Variants in ANGPTL5 observed in about 807,000 individuals in gnomAD.
ANGPTL5 encodes the protein angiopoietin-related protein 5.
In ANGPTL5, 34 loss-of-function variants were observed where a neutral mutation model predicts 39.4. The ratio of observed to expected loss-of-function variants is 0.86; its 90% CI spans 0.66 to 1.15. The LOEUF is 1.15. Ranked by LOEUF, ANGPTL5 falls within the 50% of genes most tolerant of loss-of-function variation. The pLI is 0.00. For missense variants in ANGPTL5, 467 were observed against 457.5 expected, an observed-to-expected ratio of 1.02 and a Z score of -0.19; for synonymous variants, 146 against 152.1, an observed-to-expected ratio of 0.96 and a Z score of 0.29.
At position 101,907,840 on chromosome 11, in the gene ANGPTL5, G is replaced by T; in HGVS notation, c.70C>A (p.Gln24Lys). 1 of 1,607,680 alleles carries T rather than the reference G, an allele frequency of 6.2e-7. No individual in the cohort carries two copies. The change falls in exon 2 of 9, where the codon CAA becomes AAA. Residue 24 changes from glutamine to lysine, a missense_variant. Transcript: ENST00000334289. ...GTAGAATGATGTACACAGTTACCTT[G>T]TACAGCTTCTCCACAAATAAAAATA... is the stretch of plus-strand genomic sequence containing the variant. ...VCIFICGEAV[Q>K]GNCVHHSTDS...
intron 7 of ANGPTL5, among the ~76,000 whole-genome samples, chr11:101,896,386 C>T (rs747966674): frequency 5.9e-5 from 9 of 151,706 alleles, no homozygotes; most frequent in Non-Finnish European, 8.8e-5. Context: ...TACTTAAGTT[C>T]TGGGACACAT....
At chr11:101,901,815 C>T (rs1033417967) in intron 6 of ANGPTL5, among the ~76,000 whole-genome samples, 2 of 151,570 alleles carry the variant, frequency 1.3e-5, no homozygotes, top group Admixed American at 6.6e-5. Context: ...GAAGAGAAAC[C>T]GGTAGTATTT....
chr11:101,904,056 A>G (rs867365067), intron 5 of ANGPTL5, among the ~76,000 whole-genome samples: 2 of 152,192 alleles, frequency 1.3e-5, no homozygotes, highest in African/African-American at 4.8e-5. Context: ...AAGGAGTCTG[A>G]CATCAGAGTC....
chr11:101,902,485 A>G (rs937804883), intron 6 of ANGPTL5, 136 bp downstream of exon 6: 12 of 743,294 alleles, frequency 1.6e-5, no homozygotes, highest in Non-Finnish European at 2.6e-5. Context: ...TTGAAAGTAG[A>G]ACTTTACCTA....
chr11:101,892,696 T>C lies in ANGPTL5; in HGVS notation c.848-1098A>G, dbSNP rs1269322610. ...CTAAGTAAACCCATAATGCCTCCAT[T>C]TCACCTATATGTAAGCTTTGGCTAA... On this transcript the variant is annotated intron_variant, in intron 8 of 8. Coordinates refer to ENST00000334289, the MANE Select transcript of ANGPTL5 (RefSeq NM_178127.5). Among the ~76,000 whole-genome samples the C allele has an allele frequency of 3.9e-5, 6 of 152,222 alleles. No homozygotes were observed. The East Asian group carries it at 1.2e-3, about 29-fold the overall frequency.
chr11:101,915,780 A>G (rs1018255247), intron 1 of ANGPTL5, among the ~76,000 whole-genome samples: 5 of 152,236 alleles, frequency 3.3e-5, no homozygotes, highest in African/African-American at 1.2e-4. Context: ...GAGAAATTAC[A>G]CAAATAAGTA....
chr11:101,897,980 T>C (rs1232420468), intron 7 of ANGPTL5, among the ~76,000 whole-genome samples: 1 of 152,070 alleles, frequency 6.6e-6, no homozygotes, highest in Non-Finnish European at 1.5e-5. Context: ...TCCCAGCACT[T>C]TGGGAGGCCG....
intron 8 of ANGPTL5, among the ~76,000 whole-genome samples, chr11:101,893,899 C>G (rs977913046): frequency 6.6e-6 from 1 of 152,146 alleles, no homozygotes. Context: ...CCTTCATTTG[C>G]TAAAAGCCTA....
In ANGPTL5 at chr11:101,891,475, C is replaced by A. The variant is rs189589528; in HGVS notation, c.971G>T (p.Cys324Phe). Reference protein sequence around the residue: ...CLVNGQSVKSCSHLHNKTGWW... With the variant: ...CLVNGQSVKSFSHLHNKTGWW... ...GCCGGTCTTGTTATGGAGGTGACTG[C>A]AGCTCTTCACAGACTGACCATTGAC... Residue 324 changes from cysteine (C) to phenylalanine (F), a missense_variant, in exon 9 of 9, where the codon TGC becomes TTC. By Grantham distance (205) the Cys-to-Phe change is radical. Coordinates refer to ENST00000334289, the MANE Select transcript of ANGPTL5 (RefSeq NM_178127.5). 4 of 1,613,954 alleles carry A rather than the reference C, an allele frequency of 2.5e-6. No homozygotes were observed. The highest frequency in any genetic ancestry group is 3.3e-5 in the Admixed American group (2 of 59,976).
chr11:101,912,100 T>C (rs949471267), intron 1 of ANGPTL5, among the ~76,000 whole-genome samples: 4 of 152,192 alleles, frequency 2.6e-5, no homozygotes, highest in Non-Finnish European at 4.4e-5. Context: ...GGAAGAAAAA[T>C]AAATATAAGC....
In ANGPTL5 at chr11:101,891,514, C is replaced by G; in HGVS notation, c.932G>C (p.Arg311Pro). The G allele has an allele frequency of 6.2e-7, 1 of 1,613,972 alleles. No individual in the cohort carries two copies. The highest frequency in any genetic ancestry group is 8.5e-7 in the Non-Finnish European group (1 of 1,179,962). The change falls in exon 9 of 9, where the codon CGC becomes CCC. Residue 311 changes from arginine to proline, a missense_variant. By Grantham distance (103) the Arg-to-Pro change is moderately radical. Transcript: ENST00000334289. ...STSDVDNDGC[R>P]PACLVNGQSV... Reference sequence around the variant, plus strand: ...CTGACCATTGACCAGGCATGCAGGGCGACACCCATCATTATCAACATCTGA... The same window carrying G: ...CTGACCATTGACCAGGCATGCAGGGGGACACCCATCATTATCAACATCTGA...
intron 1 of ANGPTL5, among the ~76,000 whole-genome samples, chr11:101,908,398 A>T (rs117673887): frequency 0.013 from 2,026 of 152,308 alleles, 22 homozygotes; most frequent in Non-Finnish European, 0.023. Context: ...ATTACCTTGG[A>T]ACTATTTCTA....
rs771940240 is a variant in ANGPTL5, at chr11:101,891,557, C to A, written c.889G>T (p.Ala297Ser). The A allele has an allele frequency of 1.9e-6, 3 of 1,613,936 alleles. 1 individual carries two copies. Among genetic ancestry groups the A allele is most frequent in the South Asian group, 2.2e-5 (2 of 91,064 alleles). ...RGLKKEDNQN[A>S]MPFSTSDVDN... is the part of the protein sequence containing the mutation. ...ACATCTGATGTGCTAAAAGGCATTG[C>A]ATTTTGATTATCTTCTTTTTTGAGA... The change falls in exon 9 of 9, where the codon GCA becomes TCA. Residue 297 changes from alanine to serine, a missense_variant. By Grantham distance (99) the Ala-to-Ser change is moderately conservative. Transcript: ENST00000334289.
intron 1 of ANGPTL5, among the ~76,000 whole-genome samples, chr11:101,914,278 C>T (rs2137070339): frequency 6.6e-6 from 1 of 152,276 alleles, no homozygotes; most frequent in Non-Finnish European, 1.5e-5. Flanking sequence ...CATTAGGCTC[C>T]AACAATAAGA....
chr11:101,906,956 T>C (rs1016452103), intron 3 of ANGPTL5, 147 bp downstream of exon 3: 2 of 607,230 alleles, frequency 3.3e-6, no homozygotes, highest in Admixed American at 3.3e-5. Flanking sequence ...AAGCACCTAT[T>C]ATGGGCCAAA....
intron 5 of ANGPTL5, 130 bp downstream of exon 5, chr11:101,904,684 A>C: frequency 1.3e-6 from 1 of 774,596 alleles, no homozygotes; most frequent in Non-Finnish European, 2.2e-6. Context: ...AGCAGGTATT[A>C]GCCCTCCAGT....
At chr11:101,909,973 T>C (rs867023430) in intron 1 of ANGPTL5, among the ~76,000 whole-genome samples, 5 of 152,334 alleles carry the variant, frequency 3.3e-5, no homozygotes, top group Non-Finnish European at 5.9e-5. Context: ...ATGATTCCTC[T>C]ACTTTGTTTC....
chr11:101,915,165 C>T, intron 1 of ANGPTL5: 1 of 1,470,370 alleles, frequency 6.8e-7, no homozygotes, highest in East Asian at 2.3e-5. Context: ...CCCTTCCGCG[C>T]CCGTGACGCG....
chr11:101,896,692 T>C (rs1591252267), intron 7 of ANGPTL5, among the ~76,000 whole-genome samples: 1 of 152,196 alleles, frequency 6.6e-6, no homozygotes, highest in African/African-American at 2.4e-5. Flanking sequence ...GAACTCATTC[T>C]TTTTATGGCT....
Sources: allele counts gnomAD v4.1 joint callset (sites outside exome capture counted in the v4.1 genomes callset), GRCh38; gene constraint gnomAD v4.1.1; transcripts MANE v1.5; gene names NCBI Gene and HGNC (gene_info 2026-07-23, HGNC 2026-07-21).